The following CACNA1A variants were observed in gnomAD, a reference collection of about 807,000 sequenced individuals.
CACNA1A encodes the protein calcium voltage-gated channel subunit alpha1 A.
In CACNA1A, 57 loss-of-function variants were observed where a neutral mutation model predicts 262.4. The observed-to-expected ratio is 0.22, with a 90% CI of 0.18 to 0.27. The LOEUF (loss-of-function observed/expected upper bound fraction) is 0.27, where lower values mean the gene tolerates loss of function less well. CACNA1A is among the 10% of genes least tolerant of loss of function. The pLI, the probability that CACNA1A is intolerant of heterozygous loss-of-function variation, is 1.00. For missense variants in CACNA1A, 2,526 were observed against 3,562.8 expected (o/e 0.71, Z 7.41); for synonymous variants, 1,431 against 1,419.3 (o/e 1.01, Z -0.18).
chr19:13,399,085 G>T (rs1330999941), intron 3 of CACNA1A, among the ~76,000 whole-genome samples: 1 of 152,134 alleles, frequency 6.6e-6, no homozygotes, highest in Non-Finnish European at 1.5e-5. Flanking sequence ...TGGACTAGCT[G>T]CTCTGGTTCA....
At chr19:13,265,229 G>A (rs563975333) in intron 24 of CACNA1A, among the ~76,000 whole-genome samples, 51 of 152,284 alleles carry the variant, frequency 3.3e-4, no homozygotes, top group Admixed American at 2.7e-3. Context: ...CTGGCGTGTG[G>A]TCTCAGGACA....
At chr19:13,456,819 G>A (rs552370242) in intron 1 of CACNA1A, among the ~76,000 whole-genome samples, 55 of 152,322 alleles carry the variant, frequency 3.6e-4, no homozygotes, top group African/African-American at 1.3e-3. Flanking sequence ...TTAGTGATCA[G>A]GGAAGTGCAA....
intron 6 of CACNA1A, among the ~76,000 whole-genome samples, chr19:13,341,533 T>C (rs1253184260): frequency 2.6e-5 from 4 of 152,202 alleles, no homozygotes; most frequent in African/African-American, 4.8e-5. Context: ...CCCTCGCTCA[T>C]TCGGTTCCAG....
intron 6 of CACNA1A, among the ~76,000 whole-genome samples, chr19:13,336,638 A>AGAGAGAGAGAGG (rs1568547656): frequency 6.7e-6 from 1 of 149,764 alleles, no homozygotes; most frequent in Non-Finnish European, 1.5e-5. Flanking sequence ...AGAGAGAGAG[A>AGAGAGAGAGAGG]GAAAAGAATG....
intron 1 of CACNA1A, among the ~76,000 whole-genome samples, chr19:13,490,680 G>GAA (rs1980662354): frequency 1.6e-5 from 2 of 126,156 alleles, no homozygotes; most frequent in African/African-American, 6.3e-5. Context: ...AAGAGAGAGA[G>GAA]AGAGAAAGAA....
At chr19:13,271,768 T>TTC (rs2057026579) in intron 24 of CACNA1A, 1 of 147,104 alleles carries the variant, frequency 6.8e-6, no homozygotes, top group Admixed American at 6.8e-5. Flanking sequence ...TCCTCAGCAT[T>TTC]TTTTTTTTTT....
At chr19:13,325,692 T>C (rs1211693217) in intron 10 of CACNA1A, among the ~76,000 whole-genome samples, 1 of 152,114 alleles carries the variant, frequency 6.6e-6, no homozygotes, top group Non-Finnish European at 1.5e-5. Context: ...CATCCCAAAG[T>C]GCTGGGATTA....
intron 3 of CACNA1A, among the ~76,000 whole-genome samples, chr19:13,418,419 T>C (rs182252214): frequency 4.3e-4 from 66 of 152,278 alleles, no homozygotes; most frequent in African/African-American, 1.5e-3. Context: ...CCAGAAGTTA[T>C]GTTGATGTCC....
intron 1 of CACNA1A, among the ~76,000 whole-genome samples, chr19:13,469,250 C>A (rs529470675): frequency 6.6e-6 from 1 of 152,186 alleles, no homozygotes; most frequent in Non-Finnish European, 1.5e-5. Flanking sequence ...AAGACTCCGA[C>A]GGAACCTGTT....
rs189950390 is a variant in CACNA1A at position 13,378,478 on chromosome 19, G to A, written c.540-6699C>T. On this transcript the variant is annotated intron_variant, in intron 3 of 46. Coordinates refer to ENST00000360228, the MANE Select transcript of CACNA1A (RefSeq NM_001127222.2). ...CGTGAAAGGAAGAGTCGATGGATGC[G>A]GAAAACTTTCTTGTCTTATTTTAAG... Among the ~76,000 whole-genome samples, 13 of 152,058 alleles carry A rather than the reference G, an allele frequency of 8.5e-5. 1 individual carries two copies. The highest frequency in any genetic ancestry group is 2.7e-4 in the African/African-American group (11 of 41,480).
At chr19:13,481,943 G>T (rs1375591469) in intron 1 of CACNA1A, among the ~76,000 whole-genome samples, 7 of 152,062 alleles carry the variant, frequency 4.6e-5, no homozygotes, top group Non-Finnish European at 8.8e-5. Flanking sequence ...TGCCTGCAGA[G>T]ACCCCCACTA....
At chr19:13,319,647 G>A (rs1287250440) in intron 10 of CACNA1A, among the ~76,000 whole-genome samples, 2 of 152,152 alleles carry the variant, frequency 1.3e-5, no homozygotes, top group Non-Finnish European at 2.9e-5. Flanking sequence ...CTGGGTTTGT[G>A]AAAGCTGAAA....
intron 3 of CACNA1A, chr19:13,452,376 T>G (rs1261505240): frequency 6.6e-6 from 1 of 152,552 alleles, no homozygotes; most frequent in African/African-American, 2.4e-5. Context: ...CACCCAGACA[T>G]TCTCAAAAAA....
chr19:13,262,632 C>T (rs961670601), intron 25 of CACNA1A, 102 bp downstream of exon 25: 1 of 713,824 alleles, frequency 1.4e-6, no homozygotes, highest in East Asian at 2.7e-5. Context: ...GTTATCAGCA[C>T]CTCCTTTAAT....
intron 19 of CACNA1A, among the ~76,000 whole-genome samples, chr19:13,288,237 T>C (rs1215435204): frequency 7.7e-6 from 1 of 130,060 alleles, no homozygotes; most frequent in Non-Finnish European, 1.7e-5. Context: ...TTCTTTTTCT[T>C]TTTTCTTTTT....
chr19:13,286,654 G>GGGATTGGAT lies in CACNA1A; in HGVS notation c.3393_3401dup (p.Ser1132_Pro1134dup), dbSNP rs770648017. 1.6e-5 allele frequency: 24 copies of GGGATTGGAT among 1,545,120 alleles called. 1 individual carries two copies. The South Asian group carries it at 2.9e-4, about 18-fold the overall frequency. On this transcript the variant is annotated inframe_insertion, in exon 20 of 47. Coordinates refer to ENST00000360228, the MANE Select transcript of CACNA1A (RefSeq NM_001127222.2). ...TATTCTCGGGGGTCTTGGGGGGGCCGGGATTGGATGGGTTCCCCGGGTTGT... is the reference window on the plus strand; with the variant it reads ...TATTCTCGGGGGTCTTGGGGGGGCCGGGATTGGATGGATTGGATGGGTTCCCCGGGTTGT...
Position 13,308,192 on chromosome 19 carries a change from A to G in CACNA1A, c.1841T>C (p.Ile614Thr), listed in dbSNP as rs1419338547. Residue 614 changes from isoleucine (I) to threonine (T), a missense_variant, in exon 14 of 47, where the codon ATC becomes ACC. Physicochemically the swap from Ile to Thr is moderately conservative, Grantham distance 89. Around this residue, in one of 17 missense-constraint regions of CACNA1A, gnomAD observed 102 missense variants for 278.9 expected, o/e 0.37. Coordinates refer to ENST00000360228, the MANE Select transcript of CACNA1A (RefSeq NM_001127222.2). This position sits in a 1 kb window ranked among gnomAD's most constrained non-coding sequence, Gnocchi z 4.2. ...CAGGAAAAGGAGAAACAACAGGCTG[A>G]TGATGGACTTCATGGAGTTGAGGAG... The part of the protein sequence containing the change: ...VSLLNSMKSI[I>T]SLLFLLFLFI... The G allele has an allele frequency of 6.2e-7, 1 of 1,613,858 alleles. No individual in the cohort carries two copies. The highest frequency in any genetic ancestry group is 8.5e-7 in the Non-Finnish European group (1 of 1,179,874).
intron 3 of CACNA1A, among the ~76,000 whole-genome samples, chr19:13,389,611 C>T (rs754189059): frequency 6.6e-6 from 1 of 152,104 alleles, no homozygotes; most frequent in Non-Finnish European, 1.5e-5. Context: ...TACAGAGATA[C>T]TGCTTTCATT....
chr19:13,342,097 C>T (rs2058685218), intron 6 of CACNA1A, among the ~76,000 whole-genome samples: 1 of 152,094 alleles, frequency 6.6e-6, no homozygotes, highest in South Asian at 2.1e-4. Flanking sequence ...CACTTTTTCT[C>T]TTCCAAACTC....
Sources: gnomAD v4.1 joint callset for allele counts (sites outside exome capture counted in the v4.1 genomes callset) on GRCh38, gnomAD v4.1.1 for gene constraint, gnomAD v4.1.1 regional missense constraint, Gnocchi (gnomAD v3.1) non-coding constraint, MANE v1.5 for transcripts, NCBI Gene and HGNC (gene_info 2026-07-23, HGNC 2026-07-21) for gene names.